CA5B: variants seen among roughly 807,000 people sequenced by gnomAD.
The protein encoded by CA5B is carbonic anhydrase 5B.
Under a neutral mutation model 23.1 loss-of-function variants are expected in CA5B, and 15 were observed. That is an observed-to-expected ratio of 0.65 (90% CI 0.43 to 1.00). The LOEUF (loss-of-function observed/expected upper bound fraction) is 1.00, where lower values mean the gene tolerates loss of function less well. Among genes scored for constraint, CA5B ranks in the 50% least tolerant of loss-of-function variants. The pLI is 0.00. For synonymous variants in CA5B, 84 were observed against 98.5 expected, an observed-to-expected ratio of 0.85 and a Z score of 0.87; for missense variants, 236 against 252.2, an observed-to-expected ratio of 0.94 and a Z score of 0.43.
Position 15,785,864 on chromosome X carries a change from A to T in CA5B, c.*3200A>T, listed in dbSNP as rs775603375. The T allele has an allele frequency of 2.4e-5, 2 of 84,166 alleles. No homozygotes were observed. Among genetic ancestry groups the T allele is most frequent in the Non-Finnish European group, 4.8e-5 (2 of 41,933 alleles). 6.9% of individuals were successfully genotyped at this position (84,166 alleles called of 1,213,427 possible). On this transcript the variant is annotated 3_prime_UTR_variant, in exon 8 of 8. Coordinates refer to ENST00000318636, the MANE Select transcript of CA5B (RefSeq NM_007220.4). Reference sequence around the variant, plus strand: ...TTTCCTCCTAGCTGTCTTGTTTTTTATTTTTTTTTATTTTTTTTATTTTTT... The same window carrying T: ...TTTCCTCCTAGCTGTCTTGTTTTTTTTTTTTTTTTATTTTTTTTATTTTTT...
chrX:15,785,291 A>G lies in CA5B; in HGVS notation c.*2627A>G, dbSNP rs901191636. 4 of 112,667 alleles carry G rather than the reference A, an allele frequency of 3.6e-5. No individual in the cohort carries two copies. The highest frequency in any genetic ancestry group is 3.7e-4 in the South Asian group (1 of 2,736). The allele number at this position is 112,667 out of a possible 1,213,427, so 9.3% of individuals were successfully genotyped here. ...CCCAAATGTCCATCAACAGATGAATAGATAAAGGAAATGTGGTATATACAG... is the reference window on the plus strand; with the variant it reads ...CCCAAATGTCCATCAACAGATGAATGGATAAAGGAAATGTGGTATATACAG... On this transcript the variant is annotated 3_prime_UTR_variant, in exon 8 of 8. Transcript: ENST00000318636.
At position 15,771,864 on chromosome X, in the gene CA5B, A is replaced by ATT. The variant is rs202030474; in HGVS notation, c.341-622_341-621dup. 2.9e-5 allele frequency among the ~76,000 whole-genome samples: 3 copies of ATT among 105,082 alleles called. No homozygotes were observed. The Admixed American group carries it at 3.1e-4, about 11-fold the overall frequency. 91.3% of individuals were successfully genotyped at this position (105,082 alleles called of 115,157 possible). A position where few individuals can be genotyped will look rare whatever the true frequency, so the allele number is the denominator to read the frequency against. On this transcript the variant is annotated intron_variant, in intron 3 of 7. Coordinates refer to ENST00000318636, the MANE Select transcript of CA5B (RefSeq NM_007220.4). ...ATATCCATCACCTCACATGCTTACC[A>ATT]TTTTTTTTTTTGTAGCGAGAAAATC... is the stretch of plus-strand genomic sequence containing the variant.
chrX:15,757,950 G>GT (rs1451808486), intron 2 of CA5B, among the ~76,000 whole-genome samples: 1 of 111,084 alleles, frequency 9.0e-6, no homozygotes, highest in Non-Finnish European at 1.9e-5. Flanking sequence ...GACAAAGGTG[G>GT]TTATTTAGGA....
At chrX:15,740,501 C>G in intron 1 of CA5B, among the ~76,000 whole-genome samples, 1 of 112,585 alleles carries the variant, frequency 8.9e-6, no homozygotes, top group South Asian at 3.7e-4. Context: ...AATTGAATTT[C>G]TGTTTACTTG....
rs1184002843 is a variant in CA5B at position 15,784,708 on chromosome X, TA to T, written c.*2049del. ...GAAGGAAACGGGACTACATCAAACTTAAAAATGTCTGTGTGTCAAAGGAAGC... is the reference window on the plus strand; with the variant it reads ...GAAGGAAACGGGACTACATCAAACTTAAAATGTCTGTGTGTCAAAGGAAGC... On this transcript the variant is annotated 3_prime_UTR_variant, in exon 8 of 8. Transcript: ENST00000318636. 1 of 111,996 alleles carries T rather than the reference TA, an allele frequency of 8.9e-6. No homozygotes were observed. The highest frequency in any genetic ancestry group is 1.9e-5 in the Non-Finnish European group (1 of 53,226). The allele number at this position is 111,996 out of a possible 1,213,427, so 9.2% of individuals were successfully genotyped here.
chrX:15,751,927 C>G (rs1217318033), intron 2 of CA5B, among the ~76,000 whole-genome samples: 1 of 111,506 alleles, frequency 9.0e-6, no homozygotes, highest in Non-Finnish European at 1.9e-5. Context: ...CCAATGTACA[C>G]TTGTGACCAA....
Position 15,782,818 on chromosome X carries a change from C to G in CA5B, c.*154C>G. The G allele has an allele frequency of 4.9e-6, 2 of 406,762 alleles. No individual in the cohort carries two copies. The highest frequency in any genetic ancestry group is 8.3e-6 in the Non-Finnish European group (2 of 240,358). 33.5% of individuals were successfully genotyped at this position (406,762 alleles called of 1,213,427 possible). Reference sequence around the variant, plus strand: ...GTGCTTCATCAGTCTTTGAGGAAGGCTATTCGGTACCAGCAAGAGACACAA... The same window carrying G: ...GTGCTTCATCAGTCTTTGAGGAAGGGTATTCGGTACCAGCAAGAGACACAA... On this transcript the variant is annotated 3_prime_UTR_variant, in exon 8 of 8. Coordinates refer to ENST00000318636, the MANE Select transcript of CA5B (RefSeq NM_007220.4).
At chrX:15,776,501 G>A (rs1931933618) in intron 6 of CA5B, among the ~76,000 whole-genome samples, 1 of 111,390 alleles carries the variant, frequency 9.0e-6, no homozygotes, top group Non-Finnish European at 1.9e-5. Flanking sequence ...TCCCACAGGG[G>A]AATATAAAAA....
intron 6 of CA5B, chrX:15,776,017 G>C: frequency 2.7e-6 from 2 of 753,637 alleles, no homozygotes; most frequent in African/African-American, 2.3e-5. Flanking sequence ...CTTCTTAAAA[G>C]GACAATTCTC....
intron 2 of CA5B, 141 bp from the exon 3 acceptor site, chrX:15,764,437 G>A (rs1369207980): frequency 8.6e-6 from 8 of 932,259 alleles, no homozygotes; most frequent in African/African-American, 7.9e-5. Context: ...ACAGGGTTTC[G>A]CCGTGTTTCC....
intron 1 of CA5B, among the ~76,000 whole-genome samples, chrX:15,749,366 G>A (rs1931309456): frequency 8.9e-6 from 1 of 111,908 alleles, no homozygotes; most frequent in East Asian, 2.8e-4. Context: ...AACTTTGTCT[G>A]TTTTCCCATG....
rs190910008 is a variant in CA5B, at chrX:15,786,453, T to C, written c.*3789T>C. 4 of 111,225 alleles carry C rather than the reference T, an allele frequency of 3.6e-5. No homozygotes were observed. Among genetic ancestry groups the C allele is most frequent in the African/African-American group, 1.3e-4 (4 of 30,579 alleles). The allele number at this position is 111,225 out of a possible 1,213,427, so 9.2% of individuals were successfully genotyped here. A position where few individuals can be genotyped will look rare whatever the true frequency, so the allele number is the denominator to read the frequency against. On this transcript the variant is annotated 3_prime_UTR_variant, in exon 8 of 8. Coordinates refer to ENST00000318636, the MANE Select transcript of CA5B (RefSeq NM_007220.4). ...AGATTTCCCTGGCTACTGATACACC[T>C]TAACAAGAAGCTTGTGTTTTTTATG...
rs181491704 is a variant in CA5B, at chrX:15,775,776, C to T, written c.618+468C>T. 45 of 747,802 alleles carry T rather than the reference C, an allele frequency of 6.0e-5. No homozygotes were observed. In the African/African-American group the frequency reaches 1.1e-3, roughly 17 times the overall value. The allele number at this position is 747,802 out of a possible 1,213,427, so 61.6% of individuals were successfully genotyped here. A position where few individuals can be genotyped will look rare whatever the true frequency, so the allele number is the denominator to read the frequency against. ...ATATTCAGAATCTCAAAGGGCTGCTCTCTGGAGGCCCATATATTCTCTTCT... is the reference window on the plus strand; with the variant it reads ...ATATTCAGAATCTCAAAGGGCTGCTTTCTGGAGGCCCATATATTCTCTTCT... On this transcript the variant is annotated intron_variant, in intron 6 of 7. Transcript: ENST00000318636.
intron 3 of CA5B, among the ~76,000 whole-genome samples, chrX:15,771,125 T>A (rs1295837375): frequency 5.6e-5 from 5 of 88,967 alleles, no homozygotes; most frequent in Admixed American, 4.5e-4. Context: ...CCCAGCACTT[T>A]GGGAGGCTGA....
At position 15,750,270 on chromosome X, in the gene CA5B, T is replaced by C. The variant is rs12013305; in HGVS notation, c.142+105T>C. The C allele has an allele frequency of 0.011, 6,549 of 622,108 alleles. 259 individuals carry two copies. In the African/African-American group the frequency reaches 0.12, roughly 11 times the overall value. 51.3% of individuals were successfully genotyped at this position (622,108 alleles called of 1,213,427 possible). On this transcript the variant is annotated intron_variant, in intron 2 of 7. Coordinates refer to ENST00000318636, the MANE Select transcript of CA5B (RefSeq NM_007220.4). ...AAGAGAAAAGAAAAGAGGGAGCAAG[T>C]GTGCAAGAGCAAAAATACTCATCTT...
chrX:15,752,589 G>A (rs960876222), intron 2 of CA5B, among the ~76,000 whole-genome samples: 1 of 111,095 alleles, frequency 9.0e-6, no homozygotes, highest in Non-Finnish European at 1.9e-5. Flanking sequence ...GCCAGGCGTG[G>A]TGGTGGGCGC....
intron 4 of CA5B, 160 bp from the exon 5 acceptor site, chrX:15,774,142 C>T (rs377751955): frequency 4.2e-6 from 2 of 470,763 alleles, no homozygotes; most frequent in East Asian, 4.2e-5. Context: ...TCTTCCTGAT[C>T]TTTGTTTCTA....
chrX:15,775,462 G>A, intron 6 of CA5B, 154 bp downstream of exon 6: 1 of 998,728 alleles, frequency 1.0e-6, no homozygotes, highest in Non-Finnish European at 1.3e-6. Flanking sequence ...CCAGGGGACA[G>A]AAGTCATCAT....
At chrX:15,775,529 G>A in intron 6 of CA5B, 1 of 937,586 alleles carries the variant, frequency 1.1e-6, no homozygotes, top group Non-Finnish European at 1.3e-6. Flanking sequence ...AGGACTTGGG[G>A]ACTCAGGAAC....
Sources: gnomAD v4.1 joint callset for allele counts (sites outside exome capture counted in the v4.1 genomes callset) on GRCh38, gnomAD v4.1.1 for gene constraint, MANE v1.5 for transcripts, NCBI Gene and HGNC (gene_info 2026-07-23, HGNC 2026-07-21) for gene names.